The following RAB24 variants were observed in gnomAD, a reference collection of about 807,000 sequenced individuals.
RAB24 encodes RAB24, member RAS oncogene family.
In RAB24, 9 loss-of-function variants were observed where a neutral mutation model predicts 31.4. The ratio of observed to expected loss-of-function variants is 0.29; its 90% confidence interval spans 0.17 to 0.50. The LOEUF is 0.50. Ranked by LOEUF, RAB24 falls within the 20% of genes least tolerant of loss-of-function variation. The probability of loss-of-function intolerance (pLI) is 0.98; values close to 1 mark genes in which losing one functional copy is unlikely to be tolerated. For synonymous variants in RAB24, 106 were observed against 94.1 expected, an observed-to-expected ratio of 1.13 and a Z score of -0.73; for missense variants, 197 against 265.2, an observed-to-expected ratio of 0.74 and a Z score of 1.79.
rs1760743319 is a variant in RAB24, at chr5:177,303,186, C to T, written c.103G>A (p.Gly35Arg). ...GATGCACTCACGTTCTGATAAGGCC[C>T]CACCAGAAAGCGGTCGTGCACGTAG... ...ERYVHDRFLV[G>R]PYQNTIGAAF... The change falls in exon 1 of 8, where the codon GGG becomes AGG. Residue 35 changes from glycine to arginine, a missense_variant. Around this residue, in one of 2 missense-constraint regions of RAB24, gnomAD observed 49 missense variants for 105.5 expected, o/e 0.46. Transcript: ENST00000303251. This position sits in a 1 kb window ranked among gnomAD's most constrained non-coding sequence, Gnocchi z 6.1. The T allele has an allele frequency of 6.2e-7, 1 of 1,613,804 alleles. No homozygotes were observed. Among genetic ancestry groups the T allele is most frequent in the Middle Eastern group, 1.6e-4 (1 of 6,062 alleles).
chr5:177,303,603 T>G lies in RAB24; in HGVS notation c.-315A>C. Reference sequence around the variant, plus strand: ...CGCCGTGCAGCTCGCTACTCCGTCATTCGCTCGCCTGCCCGGCTTAAGCTC... The same window carrying G: ...CGCCGTGCAGCTCGCTACTCCGTCAGTCGCTCGCCTGCCCGGCTTAAGCTC... On this transcript the variant is annotated 5_prime_UTR_variant, in exon 1 of 8. An upstream start codon of the reference 5' UTR is lost. Coordinates refer to ENST00000303251, the MANE Select transcript of RAB24 (RefSeq NM_001031677.4). This position sits in a 1 kb window ranked among gnomAD's most constrained non-coding sequence, Gnocchi z 6.1. 6 of 457,270 alleles carry G rather than the reference T, an allele frequency of 1.3e-5. No individual in the cohort carries two copies. The highest frequency in any genetic ancestry group is 7.8e-6 in the Non-Finnish European group (2 of 255,384). 28.3% of individuals were successfully genotyped at this position (457,270 alleles called of 1,614,324 possible). A position where few individuals can be genotyped will look rare whatever the true frequency, so the allele number is the denominator to read the frequency against.
At position 177,301,420 on chromosome 5, in the gene RAB24, C is replaced by T; in HGVS notation, c.*323G>A. On this transcript the variant is annotated 3_prime_UTR_variant, in exon 8 of 8. Coordinates refer to ENST00000303251, the MANE Select transcript of RAB24 (RefSeq NM_001031677.4). ...CCAGGAAGAACTAGGTGTCTTGACA[C>T]CTAATCCACACAGCAGGGAAAGGGG... is the stretch of plus-strand genomic sequence containing the variant. 5.8e-6 allele frequency: 2 copies of T among 341,942 alleles called. No individual in the cohort carries two copies. Among genetic ancestry groups the T allele is most frequent in the Non-Finnish European group, 1.1e-5 (2 of 182,824 alleles). The allele number at this position is 341,942 out of a possible 1,614,324, so 21.2% of individuals were successfully genotyped here.
At chr5:177,302,213 G>A (rs1302887032) in intron 5 of RAB24, 35 bp from the exon 6 acceptor site, 1 of 1,610,258 alleles carries the variant, frequency 6.2e-7, no homozygotes, top group Admixed American at 1.7e-5. Flanking sequence ...TCATACCTGA[G>A]AATTAGATAA....
Position 177,302,789 on chromosome 5 carries a change from G to C in RAB24, c.228C>G (p.Ile76Met). ...TGGCAGCCTTGGCACCCCGATAGTA[G>C]ATTCTACTCATGGCCTCATAGCGCT... is the stretch of plus-strand genomic sequence containing the variant. ...GSERYEAMSRIYYRGAKAAIV... is the reference protein window; with the variant it reads ...GSERYEAMSRMYYRGAKAAIV... The change falls in exon 3 of 8, where the codon ATC (isoleucine) becomes ATG (methionine). Residue 76 changes from isoleucine to methionine, a missense_variant. Ile to Met is a conservative substitution (Grantham distance 10). This residue lies in a region of RAB24 where 148 missense variants were observed against 159.7 expected (regional missense o/e 0.93). Transcript: ENST00000303251. 1 of 1,602,418 alleles carries C rather than the reference G, an allele frequency of 6.2e-7. No homozygotes were observed. Among genetic ancestry groups the C allele is most frequent in the Non-Finnish European group, 8.5e-7 (1 of 1,177,340 alleles).
At position 177,302,777 on chromosome 5, in the gene RAB24, A is replaced by G. The variant is rs775367360; in HGVS notation, c.240T>C (p.Gly80=). 4.7e-5 allele frequency: 53 copies of G among 1,131,198 alleles called. No individual in the cohort carries two copies. The highest frequency in any genetic ancestry group is 6.4e-5 in the African/African-American group (4 of 62,392). 70.1% of individuals were successfully genotyped at this position (1,131,198 alleles called of 1,614,324 possible). A position where few individuals can be genotyped will look rare whatever the true frequency, so the allele number is the denominator to read the frequency against. The change falls in exon 3 of 8, where the codon GGT becomes GGC. Residue 80 remains glycine (G), a synonymous_variant. Transcript: ENST00000303251. ...YEAMSRIYYR[G]AKAAIVCYDL... ...CATAGCAGACGATGGCAGCCTTGGC[A>G]CCCCGATAGTAGATTCTACTCATGG...
At position 177,303,128 on chromosome 5, in the gene RAB24, C is replaced by T. The variant is rs746154420; in HGVS notation, c.117+44G>A. The T allele has an allele frequency of 6.8e-6, 11 of 1,613,286 alleles. No homozygotes were observed. In the South Asian group the frequency reaches 1.2e-4, roughly 18 times the overall value. On this transcript the variant is annotated intron_variant, in intron 1 of 7. Coordinates refer to ENST00000303251, the MANE Select transcript of RAB24 (RefSeq NM_001031677.4). The surrounding 1 kb of genome is among the most constrained non-coding windows in gnomAD (Gnocchi z 6.1). ...GCCATAGGTGCAGATTACCGGCCCC[C>T]CACTCCCCCGCCCACCGTGCCTGGC...
intron 6 of RAB24, 61 bp from the exon 7 acceptor site, chr5:177,302,048 G>T: frequency 1.2e-6 from 2 of 1,610,160 alleles, no homozygotes; most frequent in Non-Finnish European, 1.7e-6. Flanking sequence ...ATCTCCCAGT[G>T]ACCCAGCCCT....
At position 177,303,094 on chromosome 5, in the gene RAB24, G is replaced by A; in HGVS notation, c.118-17C>T. On this transcript the variant is annotated splice_polypyrimidine_tract_variant and intron_variant, in intron 1 of 7. Coordinates refer to ENST00000303251, the MANE Select transcript of RAB24 (RefSeq NM_001031677.4). This position sits in a 1 kb window ranked among gnomAD's most constrained non-coding sequence, Gnocchi z 6.1. ...CCCGATGGTCTGCAACGAGAGGGAA[G>A]AGATCGGGGCCATAGGTGCAGATTA... The A allele has an allele frequency of 6.2e-7, 1 of 1,614,050 alleles. No individual in the cohort carries two copies. The highest frequency in any genetic ancestry group is 8.5e-7 in the Non-Finnish European group (1 of 1,180,024).
chr5:177,301,499 A>G lies in RAB24; in HGVS notation c.*244T>C. The G allele has an allele frequency of 1.8e-6, 1 of 568,976 alleles. No individual in the cohort carries two copies. 35.2% of individuals were successfully genotyped at this position (568,976 alleles called of 1,614,324 possible). On this transcript the variant is annotated 3_prime_UTR_variant, in exon 8 of 8. Coordinates refer to ENST00000303251, the MANE Select transcript of RAB24 (RefSeq NM_001031677.4). ...TATTTACAGATCAAAAGCCACTTAA[A>G]TAATCTGCAGACACAAGTGCTGTCC...
chr5:177,302,537 A>T, intron 4 of RAB24, 40 bp downstream of exon 4: 1 of 1,613,694 alleles, frequency 6.2e-7, no homozygotes, highest in African/African-American at 1.3e-5. Flanking sequence ...GGCCAACAAA[A>T]CCCCAGCCCC....
chr5:177,301,265 A>ACTG lies in RAB24; in HGVS notation c.*475_*477dup, dbSNP rs2127295732. 5.6e-6 allele frequency: 1 copy of ACTG among 177,008 alleles called. No individual in the cohort carries two copies. The highest frequency in any genetic ancestry group is 1.5e-4 in the East Asian group (1 of 6,656). 11.0% of individuals were successfully genotyped at this position (177,008 alleles called of 1,614,324 possible). A position where few individuals can be genotyped will look rare whatever the true frequency, so the allele number is the denominator to read the frequency against. On this transcript the variant is annotated 3_prime_UTR_variant, in exon 8 of 8. Transcript: ENST00000303251. ...GCACTCTTTTCAGCACTCAGAAGGA[A>ACTG]CTGTGAGCTTTTATACTACTACAGC...
chr5:177,301,842 C>T, intron 7 of RAB24, 35 bp from the exon 8 acceptor site: 1 of 1,613,984 alleles, frequency 6.2e-7, no homozygotes, highest in Non-Finnish European at 8.5e-7. Flanking sequence ...CAGCACCATT[C>T]TGTTGGGATC....
In RAB24 at chr5:177,302,549, A is replaced by T. The variant is rs138711072; in HGVS notation, c.333+28T>A. The T allele has an allele frequency of 7.4e-6, 12 of 1,614,030 alleles. No homozygotes were observed. The African/African-American group carries it at 9.3e-5, about 13-fold the overall frequency. The stretch of plus-strand genomic sequence containing the variant: ...ACAGGCCAACAAAACCCCAGCCCCT[A>T]GTGTTCTAGTGAGGTCTGTTCACCT... On this transcript the variant is annotated intron_variant, in intron 4 of 7. Transcript: ENST00000303251.
Position 177,302,425 on chromosome 5 carries a change from G to A in RAB24, c.405C>T (p.Asp135=). 2 of 1,613,650 alleles carry A rather than the reference G, an allele frequency of 1.2e-6. No homozygotes were observed. The highest frequency in any genetic ancestry group is 1.7e-6 in the Non-Finnish European group (2 of 1,180,036). The change falls in exon 5 of 8, where the codon GAC becomes GAT. Residue 135 remains aspartate, a synonymous_variant. Transcript: ENST00000303251. ...LEEDRRRRRV[D]FHDVQDYADN... ...CTGCATAGTCCTGGACGTCGTGGAA[G>A]TCCACACGTCGACGCCTCCGGTCTT...
In RAB24 at chr5:177,303,126, C is replaced by T. The variant is rs1391716617; in HGVS notation, c.117+46G>A. 2 of 1,613,180 alleles carry T rather than the reference C, an allele frequency of 1.2e-6. No homozygotes were observed. Among genetic ancestry groups the T allele is most frequent in the Admixed American group, 1.7e-5 (1 of 59,990 alleles). On this transcript the variant is annotated intron_variant, in intron 1 of 7. Transcript: ENST00000303251. This position sits in a 1 kb window ranked among gnomAD's most constrained non-coding sequence, Gnocchi z 6.1. ...GGGCCATAGGTGCAGATTACCGGCCCCCCACTCCCCCGCCCACCGTGCCTG... is the reference window on the plus strand; with the variant it reads ...GGGCCATAGGTGCAGATTACCGGCCTCCCACTCCCCCGCCCACCGTGCCTG...
At chr5:177,302,922 T>C (rs1760730271) in intron 2 of RAB24, 87 bp downstream of exon 2, 1 of 1,590,740 alleles carries the variant, frequency 6.3e-7, no homozygotes, top group Non-Finnish European at 8.6e-7. Flanking sequence ...GAAATGGGTC[T>C]GTGAGGCCAC....
Position 177,301,965 on chromosome 5 carries a change from T to C in RAB24, c.507A>G (p.Ala169=). The part of the protein sequence containing the change: ...QSVDELFQKV[A]EDYVSVAAFQ... The stretch of plus-strand genomic sequence containing the variant: ...AGGCAGCCACACTGACGTAATCCTC[T>C]GCCACTTTCTGGAAGAGCTCGTCTG... Residue 169 remains alanine, a synonymous_variant, in exon 7 of 8, where the codon GCA becomes GCG. Coordinates refer to ENST00000303251, the MANE Select transcript of RAB24 (RefSeq NM_001031677.4). The C allele has an allele frequency of 6.2e-7, 1 of 1,614,218 alleles. No homozygotes were observed. Among genetic ancestry groups the C allele is most frequent in the Non-Finnish European group, 8.5e-7 (1 of 1,180,030 alleles).
intron 6 of RAB24, 57 bp downstream of exon 6, chr5:177,302,069 TTC>T: frequency 6.2e-7 from 1 of 1,610,700 alleles, no homozygotes; most frequent in South Asian, 1.1e-5. Flanking sequence ...CTGTGCCCTA[TTC>T]AGCTTCCTCT....
intron 2 of RAB24, 45 bp downstream of exon 2, chr5:177,302,961 ACCT>A: frequency 1.9e-6 from 3 of 1,603,198 alleles, no homozygotes; most frequent in Non-Finnish European, 2.6e-6. Flanking sequence ...CAGGACCTAC[ACCT>A]CCTCAGGAAT....
Sources: gnomAD v4.1 joint callset for allele counts on GRCh38, gnomAD v4.1.1 for gene constraint, gnomAD v4.1.1 regional missense constraint, Gnocchi (gnomAD v3.1) non-coding constraint, MANE v1.5 for transcripts, NCBI Gene and HGNC (gene_info 2026-07-23, HGNC 2026-07-21) for gene names.